The following DYM variants were observed in gnomAD, a reference collection of about 807,000 sequenced individuals.
The protein encoded by DYM is dymeclin.
Under a neutral mutation model 93.1 loss-of-function variants are expected in DYM, and 78 were observed. That is an observed-to-expected ratio of 0.84 (90% CI 0.70 to 1.01). The LOEUF is 1.01. Among genes scored for constraint, DYM ranks in the 50% least tolerant of loss-of-function variants. DYM has a pLI of 0.00. For synonymous variants in DYM, 321 were observed against 319.7 expected, an observed-to-expected ratio of 1.00 and a Z score of -0.04; for missense variants, 789 against 845.0, an observed-to-expected ratio of 0.93 and a Z score of 0.82.
chr18:49,338,711 CATA>C (rs2063851897), intron 6 of DYM, among the ~76,000 whole-genome samples: 1 of 152,178 alleles, frequency 6.6e-6, no homozygotes, highest in African/African-American at 2.4e-5. Flanking sequence ...TCTTTTATTT[CATA>C]ATGACAGATC....
chr18:49,448,972 T>C (rs959470264), intron 1 of DYM, among the ~76,000 whole-genome samples: 4 of 152,190 alleles, frequency 2.6e-5, no homozygotes, highest in African/African-American at 9.7e-5. Context: ...CTGAGGCAGC[T>C]ATTGGGTGTC....
chr18:49,456,851 A>G (rs1455742934), intron 1 of DYM, among the ~76,000 whole-genome samples: 1 of 152,220 alleles, frequency 6.6e-6, no homozygotes, highest in Non-Finnish European at 1.5e-5. Context: ...AAGAGCAGAT[A>G]TTTAATAAGT....
At chr18:49,448,402 CATTAA>C (rs1240137316) in intron 1 of DYM, among the ~76,000 whole-genome samples, 1 of 152,220 alleles carries the variant, frequency 6.6e-6, no homozygotes, top group Non-Finnish European at 1.5e-5. Flanking sequence ...ACATCCCCTG[CATTAA>C]AGGGGCCTTG....
rs1305115322 is a variant in DYM, at chr18:49,440,378, TTA to T, written c.-53-9933_-53-9932del. Among the ~76,000 whole-genome samples the T allele has an allele frequency of 2.4e-5, 3 of 125,804 alleles. 1 individual carries two copies. The highest frequency in any genetic ancestry group is 4.7e-5 in the Non-Finnish European group (3 of 63,228). 82.5% of individuals were successfully genotyped at this position (125,804 alleles called of 152,430 possible). ...AGTATATGATATATAATATAGCATA[TTA>T]TATATGATATATAATATAGCATATT... On this transcript the variant is annotated intron_variant, in intron 1 of 17. Transcript: ENST00000675505.
intron 2 of DYM, chr18:49,417,885 A>AC: frequency 6.6e-6 from 1 of 151,996 alleles, no homozygotes; most frequent in Middle Eastern, 3.4e-3. Context: ...ACATGGAGAA[A>AC]CCCCATCTCT....
intron 13 of DYM, among the ~76,000 whole-genome samples, chr18:49,251,993 C>T (rs1340542653): frequency 6.6e-6 from 1 of 151,818 alleles, no homozygotes; most frequent in Non-Finnish European, 1.5e-5. Context: ...GTGGGCAGAT[C>T]ACTTGAGGCC....
intron 13 of DYM, among the ~76,000 whole-genome samples, chr18:49,235,236 G>C (rs2093825734): frequency 6.6e-6 from 1 of 152,228 alleles, no homozygotes; most frequent in Non-Finnish European, 1.5e-5. Context: ...TTCTGGAGCA[G>C]AGCCTCCTTA....
intron 6 of DYM, among the ~76,000 whole-genome samples, chr18:49,345,544 C>CTAG (rs2064513121): frequency 6.6e-6 from 1 of 152,014 alleles, no homozygotes; most frequent in African/African-American, 2.4e-5. Context: ...AGGAATACAC[C>CTAG]TAGTACCACA....
rs1289500571 is a variant in DYM at position 49,038,884 on chromosome 18, TA to T, written c.*5170del. Among the ~76,000 whole-genome samples, 2 of 152,254 alleles carry T rather than the reference TA, an allele frequency of 1.3e-5. No homozygotes were observed. The highest frequency in any genetic ancestry group is 2.9e-5 in the Non-Finnish European group (2 of 68,046). ...TCTTCTTGGATGATGCCAAGTGTCT[TA>T]GAACACTTAAAATTCCCACATAAAT... is the stretch of plus-strand genomic sequence containing the variant. On this transcript the variant is annotated 3_prime_UTR_variant, in exon 18 of 18. Coordinates refer to ENST00000675505, the MANE Select transcript of DYM (RefSeq NM_001353214.3).
rs574801695 is a variant in DYM at position 49,391,695 on chromosome 18, G to A, written c.141-50C>T. 4 of 1,448,400 alleles carry A rather than the reference G, an allele frequency of 2.8e-6. No homozygotes were observed. The South Asian group carries it at 3.4e-5, about 12-fold the overall frequency. The allele number at this position is 1,448,400 out of a possible 1,614,324, so 89.7% of individuals were successfully genotyped here. ...AATTAATGACTATAATACTAAATAT[G>A]TACATGCTAATCAGTTAAAGAAATA... On this transcript the variant is annotated intron_variant, in intron 2 of 17. Transcript: ENST00000675505.
At chr18:49,115,834 C>T (rs1192309060) in intron 16 of DYM, among the ~76,000 whole-genome samples, 1 of 152,198 alleles carries the variant, frequency 6.6e-6, no homozygotes, top group Non-Finnish European at 1.5e-5. Flanking sequence ...TAAAAGGCCA[C>T]ACTTTGCATC....
At chr18:49,057,925 G>C (rs1344728872) in intron 17 of DYM, among the ~76,000 whole-genome samples, 1 of 152,208 alleles carries the variant, frequency 6.6e-6, no homozygotes, top group African/African-American at 2.4e-5. Context: ...GGTCTGCTCT[G>C]ACTGGTGGAG....
Position 49,286,510 on chromosome 18 carries a change from C to T in DYM, c.870G>A (p.Val290=). ...CTGAGGCATCTGTCAGATTGGCCAACACCAGCAGAAGCAGGAGACTCTGGT... is the reference window on the plus strand; with the variant it reads ...CTGAGGCATCTGTCAGATTGGCCAATACCAGCAGAAGCAGGAGACTCTGGT... ...LANQSLLLLL[V]LANLTDASDA... Residue 290 remains valine (V), a synonymous_variant, in exon 9 of 18, where the codon GTG becomes GTA. Coordinates refer to ENST00000675505, the MANE Select transcript of DYM (RefSeq NM_001353214.3). 1 of 1,614,178 alleles carries T rather than the reference C, an allele frequency of 6.2e-7. No individual in the cohort carries two copies. Among genetic ancestry groups the T allele is most frequent in the Non-Finnish European group, 8.5e-7 (1 of 1,180,010 alleles).
rs772139849 is a variant in DYM at position 49,118,809 on chromosome 18, G to A, written c.1846C>T (p.Arg616Cys). ...PNLVYALLYK[R>C]DLFEQFRTHP... ...GTTCGAAATTGTTCAAAGAGATCGC[G>A]TTTGTAAAGCAGGGCGTATACCAAG... The change falls in exon 16 of 18, where the codon CGC becomes TGC. Residue 616 changes from arginine to cysteine, a missense_variant. Arg to Cys is a radical substitution (Grantham distance 180). Around this residue, in one of 3 missense-constraint regions of DYM, gnomAD observed 225 missense variants for 303.0 expected, o/e 0.74. Coordinates refer to ENST00000675505, the MANE Select transcript of DYM (RefSeq NM_001353214.3). 10 of 1,613,956 alleles carry A rather than the reference G, an allele frequency of 6.2e-6. No individual in the cohort carries two copies. The highest frequency in any genetic ancestry group is 3.3e-5 in the Admixed American group (2 of 59,988).
chr18:49,164,706 C>G (rs943625931), intron 14 of DYM, among the ~76,000 whole-genome samples: 4 of 152,168 alleles, frequency 2.6e-5, no homozygotes, highest in Non-Finnish European at 5.9e-5. Flanking sequence ...AACAACTACC[C>G]AGGAGCTGTA....
intron 1 of DYM, among the ~76,000 whole-genome samples, chr18:49,449,362 A>T (rs958434370): frequency 6.6e-6 from 1 of 152,224 alleles, no homozygotes; most frequent in African/African-American, 2.4e-5. Context: ...GAAAAGAGAA[A>T]ATAGGGAAGG....
chr18:49,134,976 CA>C (rs1365449355), intron 15 of DYM, among the ~76,000 whole-genome samples: 16 of 152,004 alleles, frequency 1.1e-4, no homozygotes, highest in African/African-American at 3.9e-4. Flanking sequence ...GGCGTGGTGG[CA>C]GACACCTGTA....
At chr18:49,419,917 C>T (rs566903744) in intron 2 of DYM, among the ~76,000 whole-genome samples, 11 of 152,272 alleles carry the variant, frequency 7.2e-5, no homozygotes, top group Admixed American at 1.3e-4. Context: ...CTCTCCATTT[C>T]GCCCTCTTTT....
chr18:49,285,334 G>A (rs758183142), intron 9 of DYM, among the ~76,000 whole-genome samples: 3 of 152,148 alleles, frequency 2.0e-5, no homozygotes, highest in Non-Finnish European at 1.5e-5. Context: ...CCCATCAGAA[G>A]GCTTACAAAT....
Sources: gnomAD v4.1 joint callset for allele counts (sites outside exome capture counted in the v4.1 genomes callset) on GRCh38, gnomAD v4.1.1 for gene constraint, gnomAD v4.1.1 regional missense constraint, MANE v1.5 for transcripts, NCBI Gene and HGNC (gene_info 2026-07-23, HGNC 2026-07-21) for gene names.